Variants in CFAP57 observed in about 807,000 individuals in gnomAD.
CFAP57 encodes the protein cilia- and flagella-associated protein 57.
In CFAP57, 116 loss-of-function variants were observed where a neutral mutation model predicts 146.8. The ratio of observed to expected loss-of-function variants is 0.79; its 90% CI spans 0.68 to 0.92. CFAP57 has a LOEUF of 0.92. Among genes scored for constraint, CFAP57 ranks in the 40% least tolerant of loss-of-function variants. The pLI is 0.00. For synonymous variants in CFAP57, 518 were observed against 552.8 expected (o/e 0.94, Z 0.88); for missense variants, 1,377 against 1,527.2 (o/e 0.90, Z 1.64).
Position 43,215,346 on chromosome 1 carries a change from G to A in CFAP57, c.2021G>A (p.Gly674Glu), listed in dbSNP as rs1644792920. The part of the protein sequence containing the change: ...TWKVFDKDGR[G>E]IKREREVGFA... ...AAGGTCTTTGATAAGGATGGCCGGG[G>A]AATCAAGCGAGAGAGGGAGGTGGGC... The change falls in exon 12 of 23, where the codon GGA (glycine) becomes GAA (glutamate). Residue 674 changes from glycine (G) to glutamate (E), a missense_variant. Physicochemically the swap from Gly to Glu is moderately conservative, Grantham distance 98. Coordinates refer to ENST00000372492, the MANE Select transcript of CFAP57 (RefSeq NM_001378189.1). The A allele has an allele frequency of 1.9e-6, 3 of 1,551,264 alleles. No homozygotes were observed. Among genetic ancestry groups the A allele is most frequent in the South Asian group, 1.2e-5 (1 of 84,066 alleles).
rs79909404 is a variant in CFAP57, at chr1:43,175,091, T to C, written c.157+2181T>C. Among the ~76,000 whole-genome samples the C allele has an allele frequency of 7.2e-3, 1,091 of 152,310 alleles. 34 individuals carry two copies. Among genetic ancestry groups the C allele is most frequent in the South Asian group, 0.062 (301 of 4,826 alleles). ...GTGTGAAATTTTTATCAGCATATTA[T>C]AGATCATATTCCATTGTGTTTTTTT... On this transcript the variant is annotated intron_variant, in intron 2 of 22. Transcript: ENST00000372492.
intron 2 of CFAP57, among the ~76,000 whole-genome samples, chr1:43,179,632 T>C (rs776011347): frequency 1.4e-4 from 22 of 152,172 alleles, no homozygotes; most frequent in Admixed American, 1.4e-3. Flanking sequence ...TCTAGGCTAT[T>C]ACATACTCCT....
chr1:43,235,620 C>T (rs1371034540), intron 21 of CFAP57, among the ~76,000 whole-genome samples: 1 of 152,158 alleles, frequency 6.6e-6, no homozygotes, highest in African/African-American at 2.4e-5. Context: ...AAAAGCAGCC[C>T]AGTCCATCTA....
chr1:43,186,105 G>A (rs1353714242), intron 5 of CFAP57, among the ~76,000 whole-genome samples: 1 of 151,696 alleles, frequency 6.6e-6, no homozygotes, highest in African/African-American at 2.4e-5. Context: ...AGCCAGATGT[G>A]GTGGTGTGCA....
intron 17 of CFAP57, among the ~76,000 whole-genome samples, chr1:43,224,888 T>A (rs188877686): frequency 7.2e-5 from 11 of 152,304 alleles, no homozygotes; most frequent in Non-Finnish European, 1.3e-4. Flanking sequence ...CAGGTTCCAT[T>A]TATTGACCAT....
chr1:43,250,954 G>T (rs557512401), intron 22 of CFAP57, among the ~76,000 whole-genome samples: 18 of 152,296 alleles, frequency 1.2e-4, no homozygotes, highest in Non-Finnish European at 2.1e-4. Context: ...TCACCTATCT[G>T]TGTACAGATG....
chr1:43,200,762 T>C (rs2124439871), intron 9 of CFAP57, among the ~76,000 whole-genome samples: 1 of 152,208 alleles, frequency 6.6e-6, no homozygotes, highest in Admixed American at 6.5e-5. Flanking sequence ...ATTTGAGCAA[T>C]GATAGAGGGA....
In CFAP57 at chr1:43,209,779, A is replaced by G. The variant is rs75189449; in HGVS notation, c.1792A>G (p.Thr598Ala). 3.7e-6 allele frequency: 6 copies of G among 1,613,990 alleles called. No individual in the cohort carries two copies. In the Admixed American group the frequency reaches 6.7e-5, roughly 18 times the overall value. ...REISAFDVTY[T>A]AIVISHSGRM... ...GATATCGGCGTTTGATGTCACCTAC[A>G]CCGCCATTGTCATCTCGCATTCTGG... is the stretch of plus-strand genomic sequence containing the variant. The change falls in exon 11 of 23, where the codon ACC (threonine) becomes GCC (alanine). Residue 598 changes from threonine (T) to alanine (A), a missense_variant. Transcript: ENST00000372492.
chr1:43,234,188 T>C (rs906478377), intron 19 of CFAP57, 91 bp from the exon 20 acceptor site: 4 of 1,363,748 alleles, frequency 2.9e-6, no homozygotes, highest in Admixed American at 2.9e-5. Context: ...GCATCTCTTT[T>C]CCCTTTCTGT....
chr1:43,172,527 GA>G, intron 1 of CFAP57, 74 bp downstream of exon 1: 2 of 1,339,800 alleles, frequency 1.5e-6, no homozygotes, highest in Non-Finnish European at 1.0e-6. Flanking sequence ...GCAGAAAAAG[GA>G]GCCGCGGGGG....
intron 21 of CFAP57, among the ~76,000 whole-genome samples, chr1:43,236,358 T>G (rs1645688209): frequency 6.6e-6 from 1 of 151,686 alleles, no homozygotes; most frequent in Non-Finnish European, 1.5e-5. Context: ...GAAAAAAGTC[T>G]GGAAGATTTA....
At chr1:43,246,505 C>A (rs1239165714) in intron 22 of CFAP57, among the ~76,000 whole-genome samples, 1 of 152,162 alleles carries the variant, frequency 6.6e-6, no homozygotes, top group East Asian at 1.9e-4. Context: ...ACTTACCTTA[C>A]ACCATATACA....
chr1:43,175,022 A>G (rs886074430), intron 2 of CFAP57, among the ~76,000 whole-genome samples: 1 of 152,116 alleles, frequency 6.6e-6, no homozygotes, highest in Non-Finnish European at 1.5e-5. Context: ...TTTGTCTGAA[A>G]ATGACTTTAT....
chr1:43,186,733 T>C lies in CFAP57; in HGVS notation c.996T>C (p.Asp332=). Residue 332 remains aspartate, a synonymous_variant, in exon 6 of 23, where the codon GAT becomes GAC. Coordinates refer to ENST00000372492, the MANE Select transcript of CFAP57 (RefSeq NM_001378189.1). The part of the protein sequence containing the change: ...IRIPVDPQSN[D]PSQSDKQDVL... ...TTCCTGTGGACCCGCAGAGCAATGATCCAAGTCAGTCTGACAAACAGGACG... is the reference window on the plus strand; with the variant it reads ...TTCCTGTGGACCCGCAGAGCAATGACCCAAGTCAGTCTGACAAACAGGACG... 6.2e-7 allele frequency: 1 copy of C among 1,613,316 alleles called. No individual in the cohort carries two copies. The highest frequency in any genetic ancestry group is 8.5e-7 in the Non-Finnish European group (1 of 1,179,656).
At position 43,197,533 on chromosome 1, in the gene CFAP57, G is replaced by C; in HGVS notation, c.1123-20G>C. The C allele has an allele frequency of 2.5e-6, 4 of 1,614,144 alleles. No individual in the cohort carries two copies. The highest frequency in any genetic ancestry group is 3.4e-6 in the Non-Finnish European group (4 of 1,180,018). On this transcript the variant is annotated intron_variant, in intron 6 of 22. Transcript: ENST00000372492. ...CCTTTTGCTTACTCTGCGGGATCTT[G>C]TTCTGTGTGATTTCTCTAGGGGGAG... is the stretch of plus-strand genomic sequence containing the variant.
intron 22 of CFAP57, among the ~76,000 whole-genome samples, chr1:43,245,118 G>A (rs2124671978): frequency 6.6e-6 from 1 of 152,128 alleles, no homozygotes; most frequent in Middle Eastern, 3.4e-3. Flanking sequence ...AGACTAGCCT[G>A]GGCAACATGG....
intron 21 of CFAP57, among the ~76,000 whole-genome samples, chr1:43,241,416 T>A (rs1256119788): frequency 1.3e-5 from 2 of 151,894 alleles, no homozygotes. Context: ...AGGAAAAGAA[T>A]CATTGCGGTG....
At chr1:43,232,992 AG>A (rs1645536069) in intron 19 of CFAP57, among the ~76,000 whole-genome samples, 1 of 152,348 alleles carries the variant, frequency 6.6e-6, no homozygotes, top group Admixed American at 6.5e-5. Flanking sequence ...GGAACCTCAA[AG>A]GTCATTGATT....
intron 22 of CFAP57, among the ~76,000 whole-genome samples, chr1:43,253,311 T>G (rs1373699656): frequency 1.3e-5 from 2 of 152,190 alleles, no homozygotes; most frequent in East Asian, 3.9e-4. Flanking sequence ...TTACAGCAGT[T>G]GTGGTCAGAG....
Sources: gnomAD v4.1 joint callset for allele counts (sites outside exome capture counted in the v4.1 genomes callset) on GRCh38, gnomAD v4.1.1 for gene constraint, MANE v1.5 for transcripts, NCBI Gene and HGNC (gene_info 2026-07-23, HGNC 2026-07-21) for gene names.